Variants in ZNF644 observed in about 807,000 individuals in gnomAD.
The protein encoded by ZNF644 is zinc finger protein 644.
Under a neutral mutation model 108.0 loss-of-function variants are expected in ZNF644, and 20 were observed. The observed-to-expected ratio is 0.19, with a 90% CI of 0.13 to 0.27. The LOEUF is 0.27. Ranked by LOEUF, ZNF644 falls within the 10% of genes least tolerant of loss-of-function variation. The pLI is 1.00. For synonymous variants in ZNF644, 542 were observed against 539.1 expected (o/e 1.01, Z -0.08); for missense variants, 1,338 against 1,548.9 (o/e 0.86, Z 2.29).
intron 4 of ZNF644, among the ~76,000 whole-genome samples, chr1:90,930,024 C>T (rs150024765): frequency 0.013 from 1,919 of 152,322 alleles, 37 homozygotes; most frequent in African/African-American, 0.044. Flanking sequence ...CAGTGGCTCA[C>T]GCCTGTAATC....
chr1:90,980,351 A>G (rs1656422322), intron 2 of ZNF644, among the ~76,000 whole-genome samples: 1 of 152,192 alleles, frequency 6.6e-6, no homozygotes, highest in African/African-American at 2.4e-5. Context: ...TGTACCTAGG[A>G]CTAGAACTAG....
intron 2 of ZNF644, among the ~76,000 whole-genome samples, chr1:90,977,287 T>G (rs757533903): frequency 3.9e-5 from 6 of 152,090 alleles, no homozygotes; most frequent in Non-Finnish European, 7.4e-5. Context: ...TGTAGCAAAC[T>G]ATAAAGAAAT....
intron 2 of ZNF644, among the ~76,000 whole-genome samples, chr1:90,976,383 C>G (rs1300130966): frequency 6.6e-6 from 1 of 152,104 alleles, no homozygotes; most frequent in Non-Finnish European, 1.5e-5. Context: ...TAACATATAG[C>G]ACAGTGCCTA....
chr1:90,982,655 AATTTT>A (rs1199048137), intron 1 of ZNF644, among the ~76,000 whole-genome samples: 4 of 152,100 alleles, frequency 2.6e-5, no homozygotes, highest in African/African-American at 9.6e-5. Flanking sequence ...TGTTTTCATT[AATTTT>A]AATAGTATGG....
chr1:90,939,143 G>A lies in ZNF644; in HGVS notation c.2211C>T (p.His737=), dbSNP rs1651670580. Residue 737 remains histidine, a synonymous_variant, in exon 3 of 6, where the codon CAC becomes CAT. Transcript: ENST00000337393. ...TTTCATATTTGTGTCTATACAAATAGTGGCTATTTGCCTTGGCATTAGACT... is the reference window on the plus strand; with the variant it reads ...TTTCATATTTGTGTCTATACAAATAATGGCTATTTGCCTTGGCATTAGACT... ...KEKSNAKANS[H]YLYRHKYENY... is the part of the protein sequence containing the mutation. 1 of 1,613,800 alleles carries A rather than the reference G, an allele frequency of 6.2e-7. No individual in the cohort carries two copies. Among genetic ancestry groups the A allele is most frequent in the Non-Finnish European group, 8.5e-7 (1 of 1,179,916 alleles).
At chr1:90,998,016 C>G (rs1278116694) in intron 1 of ZNF644, among the ~76,000 whole-genome samples, 1 of 152,200 alleles carries the variant, frequency 6.6e-6, no homozygotes, top group Non-Finnish European at 1.5e-5. Flanking sequence ...CCCACCATTG[C>G]TGAGGCTTGA....
intron 2 of ZNF644, among the ~76,000 whole-genome samples, chr1:90,949,566 C>T (rs917988443): frequency 5.3e-5 from 8 of 151,634 alleles, no homozygotes; most frequent in Non-Finnish European, 8.8e-5. Flanking sequence ...GTTTTGCATC[C>T]TCAGATTCAA....
chr1:90,945,288 T>A lies in ZNF644; in HGVS notation c.45-3979A>T, dbSNP rs540424035. On this transcript the variant is annotated intron_variant, in intron 2 of 5. Coordinates refer to ENST00000337393, the MANE Select transcript of ZNF644 (RefSeq NM_201269.3). ...TAATCATATAACCATAGAATTTTTC[T>A]TTTAACTGGTTTTTAAAAGTCTAAA... Among the ~76,000 whole-genome samples the A allele has an allele frequency of 3.4e-4, 51 of 151,282 alleles. 1 individual carries two copies. Among genetic ancestry groups the A allele is most frequent in the African/African-American group, 1.2e-3 (51 of 41,136 alleles).
intron 2 of ZNF644, 88 bp downstream of exon 2, chr1:90,982,222 T>C (rs1297996472): frequency 1.8e-6 from 2 of 1,120,980 alleles, no homozygotes; most frequent in South Asian, 1.3e-5. Flanking sequence ...TCTTTGGTTC[T>C]GAACTCAACA....
chr1:90,991,013 T>A (rs964667206), intron 1 of ZNF644, among the ~76,000 whole-genome samples: 4 of 152,204 alleles, frequency 2.6e-5, no homozygotes, highest in Non-Finnish European at 5.9e-5. Flanking sequence ...TGTCAAAATT[T>A]TTCTCACTGT....
chr1:90,960,006 A>G (rs139187842), intron 2 of ZNF644, among the ~76,000 whole-genome samples: 39 of 152,154 alleles, frequency 2.6e-4, no homozygotes, highest in Non-Finnish European at 4.9e-4. Context: ...TGTCCAGTGT[A>G]TATGTTCTCC....
At chr1:90,972,835 T>C (rs1655629147) in intron 2 of ZNF644, 2 of 152,164 alleles carry the variant, frequency 1.3e-5, no homozygotes, top group African/African-American at 4.8e-5. Context: ...CGTGAAAACA[T>C]CACACTTGTG....
In ZNF644 at chr1:90,940,678, C is replaced by T. The variant is rs770515826; in HGVS notation, c.676G>A (p.Glu226Lys). The part of the protein sequence containing the change: ...GTLINQVEVG[E>K]DGEDLLVKDD... ...TTCACCAATAAATCTTCACCATCCT[C>T]ACCCACCTCTACTTGATTTATTAAA... The change falls in exon 3 of 6, where the codon GAG (glutamate) becomes AAG (lysine). Residue 226 changes from glutamate to lysine, a missense_variant. Around this residue, in one of 6 missense-constraint regions of ZNF644, gnomAD observed 464 missense variants for 457.9 expected, o/e 1.01. Transcript: ENST00000337393. 8 of 1,613,956 alleles carry T rather than the reference C, an allele frequency of 5.0e-6. No homozygotes were observed. Among genetic ancestry groups the T allele is most frequent in the Non-Finnish European group, 5.1e-6 (6 of 1,179,994 alleles).
At chr1:90,967,894 CAAAA>C (rs147387016) in intron 2 of ZNF644, among the ~76,000 whole-genome samples, 1 of 123,426 alleles carries the variant, frequency 8.1e-6, no homozygotes, top group African/African-American at 3.2e-5. Context: ...AAAAAAAATA[CAAAA>C]AAAAAAAAAA....
Position 91,004,628 on chromosome 1 carries a change from T to C in ZNF644, c.-18+17362A>G, listed in dbSNP as rs1659234652. On this transcript the variant is annotated intron_variant, in intron 1 of 5. Transcript: ENST00000337393. Reference sequence around the variant, plus strand: ...AAAGACAGTATAACTGTTTTCTCTTTGTAACTTTTTCTTCTCCTGTCTGAT... The same window carrying C: ...AAAGACAGTATAACTGTTTTCTCTTCGTAACTTTTTCTTCTCCTGTCTGAT... Among the ~76,000 whole-genome samples the C allele has an allele frequency of 3.3e-5, 5 of 152,288 alleles. No homozygotes were observed. The South Asian group carries it at 1.0e-3, about 32-fold the overall frequency.
chr1:90,951,105 T>C (rs1187050286), intron 2 of ZNF644, among the ~76,000 whole-genome samples: 1 of 152,156 alleles, frequency 6.6e-6, no homozygotes, highest in Non-Finnish European at 1.5e-5. Context: ...TCAAAATACA[T>C]CCAGAATCCA....
At chr1:91,012,152 C>G (rs1012282335) in intron 1 of ZNF644, among the ~76,000 whole-genome samples, 1 of 152,032 alleles carries the variant, frequency 6.6e-6, no homozygotes, top group African/African-American at 2.4e-5. Flanking sequence ...TGATTTACCT[C>G]CCAATTCATA....
intron 2 of ZNF644, among the ~76,000 whole-genome samples, chr1:90,968,894 CAA>C (rs1655191741): frequency 6.6e-6 from 1 of 152,042 alleles, no homozygotes; most frequent in Admixed American, 6.5e-5. Context: ...CACAGCAAAC[CAA>C]AAGTCACACA....
At chr1:90,981,639 T>C (rs951637292) in intron 2 of ZNF644, among the ~76,000 whole-genome samples, 4 of 152,068 alleles carry the variant, frequency 2.6e-5, no homozygotes, top group African/African-American at 9.7e-5. Flanking sequence ...TGTATCTTTT[T>C]AAAACATGTC....
Sources: gnomAD v4.1 joint callset for allele counts (sites outside exome capture counted in the v4.1 genomes callset) on GRCh38, gnomAD v4.1.1 for gene constraint, gnomAD v4.1.1 regional missense constraint, MANE v1.5 for transcripts, NCBI Gene and HGNC (gene_info 2026-07-23, HGNC 2026-07-21) for gene names.